KAZALD1: variants seen among roughly 807,000 people sequenced by gnomAD.
KAZALD1 encodes kazal-type serine protease inhibitor domain-containing protein 1.
A neutral mutation model predicts 27.7 loss-of-function variants in KAZALD1; 31 were observed. The ratio of observed to expected loss-of-function variants is 1.12; its 90% CI spans 0.84 to 1.51. KAZALD1 has a LOEUF of 1.51. KAZALD1 is among the 40% of genes most tolerant of loss of function. KAZALD1 has a pLI of 0.00. For synonymous variants in KAZALD1, 179 were observed against 182.0 expected (o/e 0.98, Z 0.13); for missense variants, 444 against 408.9 (o/e 1.09, Z -0.74).
In KAZALD1 at chr10:101,062,758, T is replaced by C. The variant is rs1939195170; in HGVS notation, c.166T>C (p.Cys56Arg). 1 of 1,549,722 alleles carries C rather than the reference T, an allele frequency of 6.5e-7. No individual in the cohort carries two copies. Among genetic ancestry groups the C allele is most frequent in the Non-Finnish European group, 8.6e-7 (1 of 1,157,396 alleles). ...LLAEGEGCAP[C>R]RPEECAAPRG... ...AGCGGAGGGCGAGGGCTGCGCTCCC[T>C]GCCGGCCAGAAGAGTGCGCCGCGCC... is the stretch of plus-strand genomic sequence containing the variant. Residue 56 changes from cysteine (C) to arginine (R), a missense_variant, in exon 2 of 5, where the codon TGC becomes CGC. Coordinates refer to ENST00000370200, the MANE Select transcript of KAZALD1 (RefSeq NM_030929.5).
At position 101,062,989 on chromosome 10, in the gene KAZALD1, C is replaced by A; in HGVS notation, c.397C>A (p.Pro133Thr). The A allele has an allele frequency of 6.2e-7, 1 of 1,601,176 alleles. No individual in the cohort carries two copies. The highest frequency in any genetic ancestry group is 8.5e-7 in the Non-Finnish European group (1 of 1,179,286). Residue 133 changes from proline to threonine, a missense_variant, in exon 2 of 5, where the codon CCG becomes ACG. Transcript: ENST00000370200. ...TCTGTGTGCCTGTCGTTCGCAGAGTCCGCTCTGCGGGTCCGACGGTCACAC... is the reference window on the plus strand; with the variant it reads ...TCTGTGTGCCTGTCGTTCGCAGAGTACGCTCTGCGGGTCCGACGGTCACAC... The part of the protein sequence containing the change: ...EPLCACRSQS[P>T]LCGSDGHTYS...
At chr10:101,063,387 C>T (rs1206170952) in intron 2 of KAZALD1, among the ~76,000 whole-genome samples, 1 of 152,174 alleles carries the variant, frequency 6.6e-6, no homozygotes, top group African/African-American at 2.4e-5. Flanking sequence ...GAGACAGGTC[C>T]TCTGAGGGCG....
chr10:101,063,860 G>C (rs937917475), intron 2 of KAZALD1, among the ~76,000 whole-genome samples: 2 of 152,256 alleles, frequency 1.3e-5, no homozygotes, highest in Admixed American at 6.5e-5. Flanking sequence ...AACTGGGCCT[G>C]TTTAGAAAAG....
intron 2 of KAZALD1, 59 bp downstream of exon 2, chr10:101,063,162 C>T (rs1375872247): frequency 5.1e-6 from 7 of 1,383,772 alleles, no homozygotes; most frequent in East Asian, 2.5e-5. Context: ...CACTGCTCCC[C>T]GACCCCTGAC....
Position 101,066,317 on chromosome 10 carries a change from A to C in KAZALD1, c.*1397A>C, listed in dbSNP as rs1247610910. The C allele has an allele frequency of 2.2e-6, 1 of 449,320 alleles. No individual in the cohort carries two copies. The highest frequency in any genetic ancestry group is 1.6e-5 in the South Asian group (1 of 63,794). The allele number at this position is 449,320 out of a possible 1,614,324, so 27.8% of individuals were successfully genotyped here. The stretch of plus-strand genomic sequence containing the variant: ...GGCCCAACGCAGGGAGCCTGGCCAC[A>C]TGGGAGGGGTGTGGTCCGGAACTCC... On this transcript the variant is annotated 3_prime_UTR_variant, in exon 5 of 5. Transcript: ENST00000370200.
chr10:101,064,718 C>G lies in KAZALD1; in HGVS notation c.820+70C>G, dbSNP rs932444386. On this transcript the variant is annotated intron_variant, in intron 4 of 4. Transcript: ENST00000370200. ...ATTCCAGTTGTGAATGTGTAAGAAA[C>G]AGACCATGTGTCTGTATACACAAGC... 9 of 1,606,892 alleles carry G rather than the reference C, an allele frequency of 5.6e-6. No homozygotes were observed. The South Asian group carries it at 6.6e-5, about 12-fold the overall frequency.
chr10:101,062,653 G>C lies in KAZALD1; in HGVS notation c.61G>C (p.Val21Leu), dbSNP rs200184213. The C allele has an allele frequency of 2.4e-4, 380 of 1,563,750 alleles. No individual in the cohort carries two copies. The highest frequency in any genetic ancestry group is 4.8e-5 in the Non-Finnish European group (56 of 1,163,622). ...GCTGCCTGTGCTCCTGCTACTGCTG[G>C]TGGTGCTGACGCCGCCCCCGACCGG... Reference protein sequence around the residue: ...LALPVLLLLLVVLTPPPTGAR... With the variant: ...LALPVLLLLLLVLTPPPTGAR... The change falls in exon 2 of 5, where the codon GTG (valine) becomes CTG (leucine). Residue 21 changes from valine (V) to leucine (L), a missense_variant. By Grantham distance (32) the Val-to-Leu change is conservative. Coordinates refer to ENST00000370200, the MANE Select transcript of KAZALD1 (RefSeq NM_030929.5).
intron 2 of KAZALD1, among the ~76,000 whole-genome samples, chr10:101,063,995 G>C (rs542002952): frequency 6.6e-6 from 1 of 152,350 alleles, no homozygotes; most frequent in African/African-American, 2.4e-5. Flanking sequence ...GTGTGTGCTT[G>C]TTTGTGCATT....
downstream of KAZALD1, chr10:101,068,108 C>A (rs148256906): frequency 4.1e-4 from 174 of 428,662 alleles, 4 homozygotes; most frequent in East Asian, 9.1e-3. Flanking sequence ...CTGGAAAAAT[C>A]TGAATAAAAA....
downstream of KAZALD1, chr10:101,068,032 A>G (rs765283979): frequency 3.4e-5 from 16 of 471,722 alleles, no homozygotes; most frequent in African/African-American, 3.2e-4. Flanking sequence ...AAGGAGTGCC[A>G]TCTGGTGGAT....
chr10:101,062,696 GC>G lies in KAZALD1; in HGVS notation c.107del (p.Pro36GlnfsTer12), dbSNP rs1939191675. ...PPPTGARPSP[G>X]PDYLRRGWMR... The stretch of plus-strand genomic sequence containing the variant: ...CCGACCGGCGCAAGGCCATCCCCAG[GC>G]CCAGATTACCTGCGGCGCGGCTGGA... On this transcript the variant is annotated frameshift_variant, in exon 2 of 5. Transcript: ENST00000370200. LOFTEE classifies it high-confidence loss of function. 7 of 1,536,762 alleles carry G rather than the reference GC, an allele frequency of 4.6e-6. No individual in the cohort carries two copies. In the East Asian group the frequency reaches 1.8e-4, roughly 39 times the overall value.
Position 101,064,560 on chromosome 10 carries a change from T to C in KAZALD1, c.732T>C (p.Arg244=). 3.7e-6 allele frequency: 6 copies of C among 1,614,150 alleles called. No individual in the cohort carries two copies. Among genetic ancestry groups the C allele is most frequent in the Non-Finnish European group, 5.1e-6 (6 of 1,180,024 alleles). ...VTGWLQIQAV[R]PSDEGTYRCL... Reference sequence around the variant, plus strand: ...GCTGGCTGCAGATCCAGGCTGTGCGTCCCAGTGATGAGGGCACTTACCGCT... The same window carrying C: ...GCTGGCTGCAGATCCAGGCTGTGCGCCCCAGTGATGAGGGCACTTACCGCT... Residue 244 remains arginine (R), a synonymous_variant, in exon 4 of 5, where the codon CGT becomes CGC. Transcript: ENST00000370200.
Sources: gnomAD v4.1 joint callset for allele counts (sites outside exome capture counted in the v4.1 genomes callset) on GRCh38, gnomAD v4.1.1 for gene constraint, MANE v1.5 for transcripts, NCBI Gene and HGNC (gene_info 2026-07-23, HGNC 2026-07-21) for gene names.